NR1D2: variants seen among roughly 807,000 people sequenced by gnomAD.
The protein encoded by NR1D2 is nuclear receptor subfamily 1 group D member 2.
NR1D2 carries 25 observed loss-of-function variants against 52.2 expected under a neutral mutation model. The observed-to-expected ratio is 0.48, with a 90% confidence interval of 0.35 to 0.67. The LOEUF (loss-of-function observed/expected upper bound fraction) is 0.67. Among genes scored for constraint, NR1D2 ranks in the 30% least tolerant of loss-of-function variants. NR1D2 has a pLI of 0.01. For synonymous variants in NR1D2, 259 were observed against 230.1 expected (o/e 1.13, Z -1.14); for missense variants, 681 against 707.2 (o/e 0.96, Z 0.42).
intron 1 of NR1D2, among the ~76,000 whole-genome samples, chr3:23,948,692 G>A (rs185991325): frequency 2.8e-4 from 42 of 152,336 alleles, no homozygotes; most frequent in African/African-American, 9.9e-4. Flanking sequence ...GCGGGGCTAA[G>A]TAAATTGAAG....
chr3:23,966,247 T>G (rs1706447376), intron 6 of NR1D2, among the ~76,000 whole-genome samples: 1 of 152,208 alleles, frequency 6.6e-6, no homozygotes, highest in South Asian at 2.1e-4. Flanking sequence ...CAGGGCTATA[T>G]TTTCACTTCT....
intron 7 of NR1D2, among the ~76,000 whole-genome samples, chr3:23,975,423 CT>C (rs1448939399): frequency 6.6e-6 from 1 of 151,956 alleles, no homozygotes; most frequent in Non-Finnish European, 1.5e-5. Flanking sequence ...CATGCCTGGC[CT>C]TTTTTTCCAA....
intron 1 of NR1D2, among the ~76,000 whole-genome samples, chr3:23,947,832 A>G (rs1033500702): frequency 5.3e-5 from 8 of 152,310 alleles, no homozygotes; most frequent in African/African-American, 1.7e-4. Context: ...AATTGCCTTA[A>G]ACTGGCCGGG....
rs966703831 is a variant in NR1D2, at chr3:23,947,851, C to G, written c.16+2257C>G. 4.6e-5 allele frequency among the ~76,000 whole-genome samples: 7 copies of G among 152,346 alleles called. No individual in the cohort carries two copies. The East Asian group carries it at 1.2e-3, about 25-fold the overall frequency. On this transcript the variant is annotated intron_variant, in intron 1 of 7. Transcript: ENST00000312521. ...GCCTTAAACTGGCCGGGCACAGTGGCTCACGCCTGTAATCCCAGCACTTTG... is the reference window on the plus strand; with the variant it reads ...GCCTTAAACTGGCCGGGCACAGTGGGTCACGCCTGTAATCCCAGCACTTTG...
chr3:23,961,857 T>A, intron 4 of NR1D2, 120 bp from the exon 5 acceptor site: 1 of 915,376 alleles, frequency 1.1e-6, no homozygotes, highest in Non-Finnish European at 1.6e-6. Flanking sequence ...CAGAGACATG[T>A]AGACTCATTC....
chr3:23,957,353 T>A (rs1007043345), intron 3 of NR1D2, among the ~76,000 whole-genome samples: 1 of 151,228 alleles, frequency 6.6e-6, no homozygotes, highest in African/African-American at 2.4e-5. Context: ...GTAGCATTTT[T>A]TTCATTGTTT....
rs55698030 is a variant in NR1D2, at chr3:23,953,342, CAAAAAAAAAAAAAAAAA to C, written c.17-1182_17-1166del. Among the ~76,000 whole-genome samples, 22 of 52,452 alleles carry C rather than the reference CAAAAAAAAAAAAAAAAA, an allele frequency of 4.2e-4. No individual in the cohort carries two copies. In the South Asian group the frequency reaches 4.7e-3, roughly 11 times the overall value. The allele number at this position is 52,452 out of a possible 152,430, so 34.4% of individuals were successfully genotyped here. A position where few individuals can be genotyped will look rare whatever the true frequency, so the allele number is the denominator to read the frequency against. On this transcript the variant is annotated intron_variant, in intron 1 of 7. Transcript: ENST00000312521. ...TGGGTGACAGAGTGAGACTCTGTCT[CAAAAAAAAAAAAAAAAA>C]AAAAAAAAAAAATGCCAGTTTTCAG...
intron 4 of NR1D2, among the ~76,000 whole-genome samples, chr3:23,961,467 C>T (rs564089930): frequency 2.8e-5 from 4 of 144,820 alleles, no homozygotes; most frequent in African/African-American, 5.2e-5. Context: ...ACCATCTCGA[C>T]GCACTGCAAC....
chr3:23,973,216 T>C (rs918009726), intron 7 of NR1D2, among the ~76,000 whole-genome samples: 1 of 152,212 alleles, frequency 6.6e-6, no homozygotes, highest in African/African-American at 2.4e-5. Context: ...ACCAGAGTCA[T>C]GCGTCGCTTA....
chr3:23,971,324 G>A (rs866592195), intron 7 of NR1D2, among the ~76,000 whole-genome samples: 1 of 33,802 alleles, frequency 3.0e-5, no homozygotes, highest in African/African-American at 1.2e-4. Context: ...TTTTTTTTTT[G>A]AGACAGAGTC....
intron 7 of NR1D2, among the ~76,000 whole-genome samples, chr3:23,973,197 A>G (rs1706635760): frequency 6.6e-6 from 1 of 152,204 alleles, no homozygotes; most frequent in Admixed American, 6.5e-5. Context: ...TACTAATCAT[A>G]TGATTGAAAC....
intron 1 of NR1D2, among the ~76,000 whole-genome samples, chr3:23,945,855 G>C (rs566732144): frequency 1.3e-5 from 2 of 150,840 alleles, no homozygotes; most frequent in South Asian, 4.2e-4. Context: ...GGCCGCGCGA[G>C]CCACGTGCGC....
intron 1 of NR1D2, among the ~76,000 whole-genome samples, chr3:23,949,807 A>G (rs899067898): frequency 7.9e-5 from 12 of 152,260 alleles, no homozygotes; most frequent in Non-Finnish European, 1.6e-4. Context: ...GAAGTCAAAC[A>G]TAATCTCCAG....
At chr3:23,968,188 T>C (rs1706501032) in intron 7 of NR1D2, among the ~76,000 whole-genome samples, 165 bp downstream of exon 7, 1 of 152,236 alleles carries the variant, frequency 6.6e-6, no homozygotes, top group Non-Finnish European at 1.5e-5. Context: ...ATTTTTTCGT[T>C]ATAACAATAT....
intron 7 of NR1D2, among the ~76,000 whole-genome samples, chr3:23,969,368 C>G (rs1706530451): frequency 6.6e-6 from 1 of 151,994 alleles, no homozygotes; most frequent in African/African-American, 2.4e-5. Context: ...GGAATAAAGA[C>G]TTGCCATTTG....
chr3:23,970,771 G>C (rs1706566229), intron 7 of NR1D2, among the ~76,000 whole-genome samples: 2 of 151,794 alleles, frequency 1.3e-5, no homozygotes, highest in African/African-American at 4.8e-5. Context: ...TGTTGTTGTT[G>C]TTGTTTGTTT....
chr3:23,951,359 T>G (rs912669430), intron 1 of NR1D2, among the ~76,000 whole-genome samples: 1 of 152,228 alleles, frequency 6.6e-6, no homozygotes, highest in African/African-American at 2.4e-5. Flanking sequence ...GATGTGAATT[T>G]AGTACTTAAG....
intron 6 of NR1D2, among the ~76,000 whole-genome samples, chr3:23,965,933 T>G (rs1478354634): frequency 2.0e-5 from 3 of 152,258 alleles, no homozygotes; most frequent in Non-Finnish European, 4.4e-5. Context: ...ATGTGCCACC[T>G]TAGCTCTTCC....
chr3:23,947,415 G>C (rs915526282), intron 1 of NR1D2, among the ~76,000 whole-genome samples: 1 of 152,126 alleles, frequency 6.6e-6, no homozygotes, highest in Admixed American at 6.5e-5. Flanking sequence ...TCCTTGCCCA[G>C]CATTGTTTTT....
Sources: allele counts gnomAD v4.1 joint callset (sites outside exome capture counted in the v4.1 genomes callset), GRCh38; gene constraint gnomAD v4.1.1; transcripts MANE v1.5; gene names NCBI Gene and HGNC (gene_info 2026-07-23, HGNC 2026-07-21).